The following FARP1 variants were observed in gnomAD, a reference collection of about 807,000 sequenced individuals.
FARP1 encodes the protein FERM, ARH/RhoGEF and pleckstrin domain protein 1.
FARP1 carries 52 observed loss-of-function variants against 128.8 expected under a neutral mutation model. The observed-to-expected ratio is 0.40, with a 90% CI of 0.32 to 0.51. The LOEUF is 0.51. FARP1 is among the 20% of genes least tolerant of loss of function. The pLI is 0.45. For synonymous variants in FARP1, 580 were observed against 551.8 expected, an observed-to-expected ratio of 1.05 and a Z score of -0.72; for missense variants, 1,333 against 1,367.9, an observed-to-expected ratio of 0.97 and a Z score of 0.40.
intron 2 of FARP1, among the ~76,000 whole-genome samples, chr13:98,226,102 A>G (rs1323585745): frequency 6.6e-6 from 1 of 152,202 alleles, no homozygotes; most frequent in African/African-American, 2.4e-5. Flanking sequence ...AAGTACCACA[A>G]ACTGGGTGGC....
At chr13:98,290,631 A>C (rs1332193227) in intron 2 of FARP1, among the ~76,000 whole-genome samples, 2 of 152,106 alleles carry the variant, frequency 1.3e-5, no homozygotes, top group East Asian at 1.9e-4. Context: ...GACCTTGCAA[A>C]AGGACCACAT....
rs1250698663 is a variant in FARP1 at position 98,379,088 on chromosome 13, T to C, written c.496+1170T>C. ...TATAATATATGTAATATGTAATCTA[T>C]ATATAATATATATATAATATATAAT... is the stretch of plus-strand genomic sequence containing the variant. On this transcript the variant is annotated intron_variant, in intron 6 of 26. Coordinates refer to ENST00000319562, the MANE Select transcript of FARP1 (RefSeq NM_005766.4). Among the ~76,000 whole-genome samples, 45 of 75,320 alleles carry C rather than the reference T, an allele frequency of 6.0e-4. 9 individuals are homozygous for C. The highest frequency in any genetic ancestry group is 1.0e-3 in the Non-Finnish European group (42 of 40,558). 49.4% of individuals were successfully genotyped at this position (75,320 alleles called of 152,430 possible).
chr13:98,247,264 C>T (rs1883116341), intron 2 of FARP1, among the ~76,000 whole-genome samples: 1 of 152,328 alleles, frequency 6.6e-6, no homozygotes, highest in South Asian at 2.1e-4. Flanking sequence ...CTGTTCCTTT[C>T]TACACCTAGA....
At chr13:98,159,262 C>T (rs947630464) in intron 1 of FARP1, among the ~76,000 whole-genome samples, 15 of 152,204 alleles carry the variant, frequency 9.9e-5, no homozygotes, top group Admixed American at 6.5e-5. Context: ...GGAAGGTATT[C>T]GTTTGACAGG....
chr13:98,360,933 A>G (rs561800176), intron 3 of FARP1, among the ~76,000 whole-genome samples: 2 of 152,186 alleles, frequency 1.3e-5, no homozygotes, highest in South Asian at 4.2e-4. Flanking sequence ...CCCTCTAGAG[A>G]AAGCTTATGG....
intron 2 of FARP1, among the ~76,000 whole-genome samples, chr13:98,308,298 T>A (rs1366669511): frequency 6.6e-6 from 1 of 152,146 alleles, no homozygotes; most frequent in Non-Finnish European, 1.5e-5. Flanking sequence ...TGAATCGATT[T>A]CAAGGTCACC....
chr13:98,239,228 G>A (rs532430869), intron 2 of FARP1, among the ~76,000 whole-genome samples: 11 of 152,248 alleles, frequency 7.2e-5, no homozygotes, highest in South Asian at 2.1e-4. Flanking sequence ...GCCGGTTTAC[G>A]CAGCTGTCTC....
At chr13:98,400,382 ATGT>A (rs1254324842) in intron 13 of FARP1, 2 of 152,244 alleles carry the variant, frequency 1.3e-5, no homozygotes, top group Non-Finnish European at 2.9e-5. Context: ...GTCATTTTAA[ATGT>A]TGTTGAAACT....
intron 1 of FARP1, among the ~76,000 whole-genome samples, chr13:98,186,056 A>G (rs985230403): frequency 6.6e-5 from 10 of 151,978 alleles, no homozygotes; most frequent in African/African-American, 2.4e-4. Flanking sequence ...GTGCACTCAC[A>G]TTATTGTGCC....
chr13:98,437,378 G>A (rs2139096029), intron 19 of FARP1, among the ~76,000 whole-genome samples: 1 of 152,312 alleles, frequency 6.6e-6, no homozygotes, highest in South Asian at 2.1e-4. Flanking sequence ...TCTGAGGCTG[G>A]TGGTGCAGGC....
Position 98,431,370 on chromosome 13 carries a change from C to G in FARP1, c.2143+90C>G, listed in dbSNP as rs3742138. ...TGAGCCCAGCCAGGGAGGGGCTCCC[C>G]GGGGAGAGAGGTCAGCTGATGCTGG... On this transcript the variant is annotated intron_variant, in intron 18 of 26. Coordinates refer to ENST00000319562, the MANE Select transcript of FARP1 (RefSeq NM_005766.4). 6 of 829,902 alleles carry G rather than the reference C, an allele frequency of 7.2e-6. No individual in the cohort carries two copies. The African/African-American group carries it at 8.7e-5, about 12-fold the overall frequency. The allele number at this position is 829,902 out of a possible 1,614,324, so 51.4% of individuals were successfully genotyped here.
At chr13:98,343,552 T>A (rs1888057221) in intron 2 of FARP1, among the ~76,000 whole-genome samples, 1 of 152,230 alleles carries the variant, frequency 6.6e-6, no homozygotes, top group Admixed American at 6.5e-5. Context: ...AAGAAAATGC[T>A]AAGAGATTTG....
At position 98,234,499 on chromosome 13, in the gene FARP1, A is replaced by G. The variant is rs548334482; in HGVS notation, c.171+21086A>G. On this transcript the variant is annotated intron_variant, in intron 2 of 26. Coordinates refer to ENST00000319562, the MANE Select transcript of FARP1 (RefSeq NM_005766.4). ...GAACATATTGCTTCAGCTTCATTAA[A>G]TACTTGTCTAAACACCTGGAAAAAA... is the stretch of plus-strand genomic sequence containing the variant. 49 of 152,360 alleles carry G rather than the reference A, an allele frequency of 3.2e-4. 1 individual carries two copies. Among genetic ancestry groups the G allele is most frequent in the African/African-American group, 1.1e-3 (46 of 41,582 alleles). 9.4% of individuals were successfully genotyped at this position (152,360 alleles called of 1,614,324 possible).
chr13:98,305,789 C>T (rs1594379829), intron 2 of FARP1, among the ~76,000 whole-genome samples: 1 of 152,310 alleles, frequency 6.6e-6, no homozygotes, highest in South Asian at 2.1e-4. Context: ...TTGACGTTCC[C>T]CTGGTCCACT....
intron 2 of FARP1, among the ~76,000 whole-genome samples, chr13:98,292,514 A>G (rs1298312362): frequency 2.0e-5 from 3 of 152,246 alleles, no homozygotes; most frequent in Non-Finnish European, 4.4e-5. Context: ...GTCACTTGCC[A>G]CATGTGGCTA....
intron 1 of FARP1, among the ~76,000 whole-genome samples, chr13:98,156,884 T>C: frequency 6.6e-6 from 1 of 152,226 alleles, no homozygotes; most frequent in Middle Eastern, 3.2e-3. Context: ...TTTTTATTTA[T>C]GTTTTCCTTT....
intron 1 of FARP1, among the ~76,000 whole-genome samples, chr13:98,153,327 T>TAC (rs1876177729): frequency 1.1e-4 from 1 of 9,112 alleles, no homozygotes; most frequent in Non-Finnish European, 6.6e-4. Context: ...ATATAAATAA[T>TAC]ATAATATATA....
At chr13:98,296,791 C>A (rs1885717282) in intron 2 of FARP1, among the ~76,000 whole-genome samples, 1 of 147,656 alleles carries the variant, frequency 6.8e-6, no homozygotes, top group African/African-American at 2.5e-5. Flanking sequence ...CTCAGGTGAT[C>A]CTCTCACCTC....
chr13:98,351,428 G>C (rs980840718), intron 3 of FARP1, among the ~76,000 whole-genome samples: 13 of 152,124 alleles, frequency 8.5e-5, no homozygotes, highest in African/African-American at 1.9e-4. Context: ...CTGGCTAACA[G>C]GGTGAAACCC....
Sources: allele counts gnomAD v4.1 joint callset (sites outside exome capture counted in the v4.1 genomes callset), GRCh38; gene constraint gnomAD v4.1.1; transcripts MANE v1.5; gene names NCBI Gene and HGNC (gene_info 2026-07-23, HGNC 2026-07-21).